SLC17A3: variants seen among roughly 807,000 people sequenced by gnomAD.
SLC17A3 encodes sodium-dependent phosphate transport protein 4.
Under a neutral mutation model 60.3 loss-of-function variants are expected in SLC17A3, and 61 were observed. That is an observed-to-expected ratio of 1.01 (90% CI 0.82 to 1.25). SLC17A3 has a LOEUF of 1.25. Ranked by LOEUF, SLC17A3 falls within the 50% of genes most tolerant of loss-of-function variation. The pLI, the probability that SLC17A3 is intolerant of heterozygous loss-of-function variation, is 0.00. For synonymous variants in SLC17A3, 192 were observed against 208.9 expected, an observed-to-expected ratio of 0.92 and a Z score of 0.70; for missense variants, 624 against 594.9, an observed-to-expected ratio of 1.05 and a Z score of -0.51.
At chr6:25,865,947 G>C (rs575804128) in intron 2 of SLC17A3, among the ~76,000 whole-genome samples, 6 of 152,098 alleles carry the variant, frequency 3.9e-5, no homozygotes, top group African/African-American at 1.4e-4. Context: ...AATGTGAGAG[G>C]TTATATTAAT....
In SLC17A3 at chr6:25,845,506, A is replaced by C. The variant is rs1292829215; in HGVS notation, c.1373T>G (p.Phe458Cys). Reference protein sequence around the residue: ...SGFLLSQDPEFGWRNVFFLLF... With the variant: ...SGFLLSQDPECGWRNVFFLLF... ...CAAGAAGAAGACATTCCTCCACCCAAACTCAGGGTCCTGGAGACACAAAAC... is the reference window on the plus strand; with the variant it reads ...CAAGAAGAAGACATTCCTCCACCCACACTCAGGGTCCTGGAGACACAAAAC... Residue 458 changes from phenylalanine to cysteine, a missense_variant, in exon 12 of 13, where the codon TTT becomes TGT. Transcript: ENST00000397060. 6.2e-7 allele frequency: 1 copy of C among 1,613,982 alleles called. No individual in the cohort carries two copies. The highest frequency in any genetic ancestry group is 2.2e-5 in the East Asian group (1 of 44,852).
chr6:25,845,606 G>C (rs1396904429), intron 11 of SLC17A3, 90 bp from the exon 12 acceptor site: 3 of 1,455,104 alleles, frequency 2.1e-6, no homozygotes, highest in Admixed American at 1.7e-5. Context: ...ACATTCACTG[G>C]TGGGTTTCCT....
chr6:25,845,601 C>T, intron 11 of SLC17A3, 85 bp from the exon 12 acceptor site: 1 of 1,479,442 alleles, frequency 6.8e-7, no homozygotes, highest in Middle Eastern at 1.7e-4. Context: ...TGACAACATT[C>T]ACTGGTGGGT....
chr6:25,855,372 A>G (rs80200917), intron 5 of SLC17A3, 142 bp from the exon 6 acceptor site: 43 of 652,954 alleles, frequency 6.6e-5, no homozygotes, highest in Non-Finnish European at 1.1e-4. Flanking sequence ...CTTCAAATTT[A>G]TGATTTAAGA....
intron 2 of SLC17A3, among the ~76,000 whole-genome samples, chr6:25,863,735 C>G (rs1765490034): frequency 6.6e-6 from 1 of 152,028 alleles, no homozygotes; most frequent in Non-Finnish European, 1.5e-5. Flanking sequence ...TCCAGTTCAC[C>G]CTATGCTTGG....
Position 25,861,657 on chromosome 6 carries a change from C to T in SLC17A3, c.592G>A (p.Glu198Lys), listed in dbSNP as rs778539524. ...GCAATGCTGCAGAGTCTGCTTCGTT[C>T]TTGTGGAGGGCCCCACTTTTCCCAA... ...AIWEKWGPPQ[E>K]RSRLCSIALS... Residue 198 changes from glutamate to lysine, a missense_variant, in exon 5 of 13, where the codon GAA becomes AAA. By Grantham distance (56) the Glu-to-Lys change is moderately conservative. Coordinates refer to ENST00000397060, the MANE Select transcript of SLC17A3 (RefSeq NM_001098486.2). The T allele has an allele frequency of 2.5e-6, 4 of 1,613,910 alleles. No homozygotes were observed. The African/African-American group carries it at 4.0e-5, about 16-fold the overall frequency.
intron 11 of SLC17A3, among the ~76,000 whole-genome samples, chr6:25,848,507 C>T (rs979465380): frequency 6.6e-6 from 1 of 151,988 alleles, no homozygotes. Context: ...GGAAAGGACA[C>T]CTTATTCAAC....
At chr6:25,848,670 C>T (rs1458013243) in intron 11 of SLC17A3, among the ~76,000 whole-genome samples, 1 of 152,010 alleles carries the variant, frequency 6.6e-6, no homozygotes, top group African/African-American at 2.4e-5. Context: ...TCAGAAAAAC[C>T]CTTCTAGACA....
At chr6:25,848,354 A>T (rs1006520005) in intron 11 of SLC17A3, among the ~76,000 whole-genome samples, 5 of 152,232 alleles carry the variant, frequency 3.3e-5, no homozygotes, top group African/African-American at 1.2e-4. Context: ...ACTAGTTTAC[A>T]TTCCTACCAA....
intron 6 of SLC17A3, among the ~76,000 whole-genome samples, chr6:25,851,705 G>T (rs534845064): frequency 7.2e-5 from 11 of 152,100 alleles, no homozygotes; most frequent in African/African-American, 2.6e-4. Flanking sequence ...TTTATATGAA[G>T]TAAATAGAAT....
Position 25,850,154 on chromosome 6 carries a change from A to C in SLC17A3, c.1017T>G (p.Pro339=). 6.2e-7 allele frequency: 1 copy of C among 1,613,808 alleles called. No individual in the cohort carries two copies. The highest frequency in any genetic ancestry group is 1.3e-5 in the African/African-American group (1 of 75,032). The part of the protein sequence containing the change: ...IRDNGLLSAL[P]FIVAWVIGMV... ...TGCCTATGACCCAGGCAACAATAAAAGGAAGGGCAGATAGAAGTCCATTCT... is the reference window on the plus strand; with the variant it reads ...TGCCTATGACCCAGGCAACAATAAACGGAAGGGCAGATAGAAGTCCATTCT... Residue 339 remains proline (P), a synonymous_variant, in exon 9 of 13, where the codon CCT becomes CCG. Transcript: ENST00000397060.
chr6:25,873,156 G>T (rs181334002), intron 1 of SLC17A3, among the ~76,000 whole-genome samples: 11 of 152,194 alleles, frequency 7.2e-5, no homozygotes, highest in Admixed American at 7.2e-4. Flanking sequence ...GCCAAGAACA[G>T]GCTCAAGTAG....
intron 5 of SLC17A3, among the ~76,000 whole-genome samples, 196 bp downstream of exon 5, chr6:25,861,428 C>T (rs894213441): frequency 6.6e-6 from 1 of 152,068 alleles, no homozygotes; most frequent in African/African-American, 2.4e-5. Context: ...ATAGTAAAGG[C>T]AAAGTCATGC....
chr6:25,866,661 A>G (rs1317046323), intron 2 of SLC17A3, among the ~76,000 whole-genome samples: 1 of 152,016 alleles, frequency 6.6e-6, no homozygotes, highest in Non-Finnish European at 1.5e-5. Context: ...ATTGAAAAAT[A>G]TTTGCATTAC....
In SLC17A3 at chr6:25,845,270, T is replaced by C. The variant is rs548242535; in HGVS notation, c.*31A>G. ...CTTCTATTTTATGCAATACGGTGCC[T>C]AATGACTTTTCCATCCAAGGTGGGA... On this transcript the variant is annotated 3_prime_UTR_variant, in exon 13 of 13. Transcript: ENST00000397060. 92 of 1,313,758 alleles carry C rather than the reference T, an allele frequency of 7.0e-5. 1 individual carries two copies. The highest frequency in any genetic ancestry group is 6.8e-4 in the African/African-American group (47 of 69,016). The allele number at this position is 1,313,758 out of a possible 1,614,324, so 81.4% of individuals were successfully genotyped here.
chr6:25,845,244 C>T lies in SLC17A3; in HGVS notation c.*57G>A, dbSNP rs867591048. 1 of 945,310 alleles carries T rather than the reference C, an allele frequency of 1.1e-6. No homozygotes were observed. Among genetic ancestry groups the T allele is most frequent in the Non-Finnish European group, 1.6e-6 (1 of 615,482 alleles). 58.6% of individuals were successfully genotyped at this position (945,310 alleles called of 1,614,324 possible). A position where few individuals can be genotyped will look rare whatever the true frequency, so the allele number is the denominator to read the frequency against. On this transcript the variant is annotated 3_prime_UTR_variant, in exon 13 of 13. Coordinates refer to ENST00000397060, the MANE Select transcript of SLC17A3 (RefSeq NM_001098486.2). ...TTCACTGGTATTTTCATCACGGAAG[C>T]CTTCTATTTTATGCAATACGGTGCC...
chr6:25,857,913 G>T (rs1765385219), intron 5 of SLC17A3, among the ~76,000 whole-genome samples: 1 of 152,060 alleles, frequency 6.6e-6, no homozygotes, highest in Non-Finnish European at 1.5e-5. Context: ...ATCTATCCCA[G>T]GTTTGGACTC....
rs1240658017 is a variant in SLC17A3, at chr6:25,861,979, A to C, written c.354T>G (p.Ala118=). The C allele has an allele frequency of 6.2e-7, 1 of 1,611,918 alleles. No individual in the cohort carries two copies. Among genetic ancestry groups the C allele is most frequent in the Non-Finnish European group, 8.5e-7 (1 of 1,179,022 alleles). The part of the protein sequence containing the change: ...SPQIQGIIFG[A]VGYGGILTMA... The stretch of plus-strand genomic sequence containing the variant: ...TTGTCAGTATGCCACCATAGCCAAC[A>C]GCACCAAAGATGATGCCTTGGATTT... The change falls in exon 4 of 13, where the codon GCT becomes GCG. Residue 118 remains alanine, a synonymous_variant. Coordinates refer to ENST00000397060, the MANE Select transcript of SLC17A3 (RefSeq NM_001098486.2).
In SLC17A3 at chr6:25,845,445, G is replaced by T. The variant is rs1561851871; in HGVS notation, c.1434C>A (p.Tyr478Ter). The part of the protein sequence containing the change: ...FAVNLLGLLF[Y>*]LIFGEADVQE... ...GGACATCTGCTTCTCCAAATATGAGGTAGAAGAGTAGTCCTAACAGGTTAA... is the reference window on the plus strand; with the variant it reads ...GGACATCTGCTTCTCCAAATATGAGTTAGAAGAGTAGTCCTAACAGGTTAA... Residue 478 changes from tyrosine to a stop codon, truncating the protein, a stop_gained, in exon 12 of 13, where the codon TAC (tyrosine) becomes TAA (stop). Coordinates refer to ENST00000397060, the MANE Select transcript of SLC17A3 (RefSeq NM_001098486.2). LOFTEE classifies it high-confidence loss of function. The T allele has an allele frequency of 6.2e-7, 1 of 1,614,022 alleles. No individual in the cohort carries two copies. Among genetic ancestry groups the T allele is most frequent in the East Asian group, 2.2e-5 (1 of 44,854 alleles).
Sources: allele counts gnomAD v4.1 joint callset (sites outside exome capture counted in the v4.1 genomes callset), GRCh38; gene constraint gnomAD v4.1.1; transcripts MANE v1.5; gene names NCBI Gene and HGNC (gene_info 2026-07-23, HGNC 2026-07-21).